The following FBXO21 variants were observed in gnomAD, a reference collection of about 807,000 sequenced individuals.
FBXO21 encodes F-box protein 21.
FBXO21 carries 32 observed loss-of-function variants against 76.6 expected under a neutral mutation model. The observed-to-expected ratio is 0.42, with a 90% CI of 0.32 to 0.56. The LOEUF is 0.56. FBXO21 is among the 20% of genes least tolerant of loss of function. The pLI, the probability that FBXO21 is intolerant of heterozygous loss-of-function variation, is 0.16. For missense variants in FBXO21, 586 were observed against 797.3 expected (o/e 0.73, Z 3.19); for synonymous variants, 328 against 311.5 (o/e 1.05, Z -0.56).
chr12:117,146,024 T>C lies in FBXO21; in HGVS notation c.*63A>G, dbSNP rs1955765177. On this transcript the variant is annotated 3_prime_UTR_variant, in exon 12 of 12. Transcript: ENST00000622495. ...CGAGGGCTCCGTGGAGACGTCTTCTTCCGGAGTCCCGTTCTCTTGGAAGAT... is the reference window on the plus strand; with the variant it reads ...CGAGGGCTCCGTGGAGACGTCTTCTCCCGGAGTCCCGTTCTCTTGGAAGAT... 1 of 1,403,110 alleles carries C rather than the reference T, an allele frequency of 7.1e-7. No individual in the cohort carries two copies. The highest frequency in any genetic ancestry group is 2.4e-5 in the East Asian group (1 of 42,012). 86.9% of individuals were successfully genotyped at this position (1,403,110 alleles called of 1,614,324 possible).
chr12:117,177,483 G>C, intron 4 of FBXO21, 37 bp downstream of exon 4: 1 of 1,582,414 alleles, frequency 6.3e-7, no homozygotes, highest in Non-Finnish European at 8.6e-7. Context: ...GTTACCTACA[G>C]AAATACTACT....
intron 3 of FBXO21, among the ~76,000 whole-genome samples, chr12:117,180,823 C>CG (rs1196234375): frequency 6.6e-6 from 1 of 151,752 alleles, no homozygotes; most frequent in African/African-American, 2.4e-5. Context: ...TTAGTAGAGA[C>CG]GAGGTTTCAC....
In FBXO21 at chr12:117,189,337, T is replaced by C; in HGVS notation, c.265A>G (p.Ser89Gly). ...VRWPSLMKHYSPTDYVNWLEE... is the reference protein window; with the variant it reads ...VRWPSLMKHYGPTDYVNWLEE... ...AACCAATTGACGTAGTCGGTGGGGCTGTAGTGTTTCATAAGGGAAGGCCAC... is the reference window on the plus strand; with the variant it reads ...AACCAATTGACGTAGTCGGTGGGGCCGTAGTGTTTCATAAGGGAAGGCCAC... Residue 89 changes from serine to glycine, a missense_variant, in exon 2 of 12, where the codon AGC (serine) becomes GGC (glycine). By Grantham distance (56) the Ser-to-Gly change is moderately conservative. Transcript: ENST00000622495. The C allele has an allele frequency of 1.2e-6, 2 of 1,614,154 alleles. No homozygotes were observed.
intron 2 of FBXO21, chr12:117,188,934 G>C (rs1956316983): frequency 3.4e-6 from 1 of 296,698 alleles, no homozygotes; most frequent in Non-Finnish European, 6.3e-6. Flanking sequence ...ACCCATTTGA[G>C]AAATAATGCT....
intron 9 of FBXO21, among the ~76,000 whole-genome samples, chr12:117,161,250 G>C (rs1336949445): frequency 6.6e-6 from 1 of 152,134 alleles, no homozygotes; most frequent in African/African-American, 2.4e-5. Context: ...AGGATGAGCA[G>C]AGGCCCTGGG....
chr12:117,156,312 TTTGTTA>T (rs1210284891), intron 10 of FBXO21, among the ~76,000 whole-genome samples: 1 of 152,134 alleles, frequency 6.6e-6, no homozygotes, highest in Non-Finnish European at 1.5e-5. Flanking sequence ...ATAGGGAAGG[TTTGTTA>T]AAACAAGGCA....
rs1217583244 is a variant in FBXO21 at position 117,145,781 on chromosome 12, C to T, written c.*306G>A. The T allele has an allele frequency of 9.2e-6, 2 of 218,354 alleles. No individual in the cohort carries two copies. Among genetic ancestry groups the T allele is most frequent in the African/African-American group, 2.3e-5 (1 of 43,846 alleles). 13.5% of individuals were successfully genotyped at this position (218,354 alleles called of 1,614,324 possible). On this transcript the variant is annotated 3_prime_UTR_variant, in exon 12 of 12. Coordinates refer to ENST00000622495, the MANE Select transcript of FBXO21 (RefSeq NM_015002.3). ...TGAATACAAAGAATGATTACAGGAGCGTCGACTGTGAGACCTCATGAAGAC... is the reference window on the plus strand; with the variant it reads ...TGAATACAAAGAATGATTACAGGAGTGTCGACTGTGAGACCTCATGAAGAC...
At chr12:117,157,145 G>T (rs1955925762) in intron 10 of FBXO21, among the ~76,000 whole-genome samples, 1 of 149,750 alleles carries the variant, frequency 6.7e-6, no homozygotes. Context: ...ATACAACACT[G>T]CACTCCAGCC....
intron 11 of FBXO21, among the ~76,000 whole-genome samples, chr12:117,154,614 A>G (rs7974581): frequency 6.6e-6 from 1 of 151,940 alleles, no homozygotes; most frequent in South Asian, 2.1e-4. Flanking sequence ...ACAGGTGCAC[A>G]TGACTCTGCC....
chr12:117,179,974 G>A (rs1046555120), intron 3 of FBXO21, among the ~76,000 whole-genome samples: 2 of 152,140 alleles, frequency 1.3e-5, no homozygotes, highest in Non-Finnish European at 2.9e-5. Context: ...TAGTATTATG[G>A]ACTCAGAGAG....
intron 7 of FBXO21, 30 bp downstream of exon 7, chr12:117,172,441 G>C: frequency 6.2e-7 from 1 of 1,601,800 alleles, no homozygotes; most frequent in Non-Finnish European, 8.5e-7. Context: ...AAATCTTCAG[G>C]ACCACAGATA....
At chr12:117,173,579 G>A (rs1956139807) in intron 6 of FBXO21, among the ~76,000 whole-genome samples, 1 of 152,224 alleles carries the variant, frequency 6.6e-6, no homozygotes, top group South Asian at 2.1e-4. Flanking sequence ...CTCCCAAATG[G>A]CTAGAGGCCA....
intron 11 of FBXO21, among the ~76,000 whole-genome samples, chr12:117,150,467 T>C (rs1341454203): frequency 2.6e-5 from 4 of 152,228 alleles, no homozygotes; most frequent in Non-Finnish European, 4.4e-5. Flanking sequence ...AGCACACACA[T>C]AGGCAGCTAG....
At chr12:117,152,981 G>A (rs1164385269) in intron 11 of FBXO21, among the ~76,000 whole-genome samples, 6 of 152,196 alleles carry the variant, frequency 3.9e-5, no homozygotes, top group South Asian at 2.1e-4. Flanking sequence ...TATGTCAGGC[G>A]TGGGAACCGT....
chr12:117,178,764 CATTATTTTAA>C (rs1956200935), intron 3 of FBXO21, among the ~76,000 whole-genome samples: 2 of 152,068 alleles, frequency 1.3e-5, no homozygotes, highest in African/African-American at 4.8e-5. Flanking sequence ...AGGCCCCCTA[CATTATTTTAA>C]ATGGTACCCC....
chr12:117,169,635 A>G (rs926996968), intron 7 of FBXO21, among the ~76,000 whole-genome samples: 1 of 152,050 alleles, frequency 6.6e-6, no homozygotes, highest in African/African-American at 2.4e-5. Context: ...TAGCTTTCAT[A>G]ATCCCTAACT....
At position 117,155,781 on chromosome 12, in the gene FBXO21, C is replaced by T. The variant is rs746467390; in HGVS notation, c.1675+10G>A. 1.2e-5 allele frequency: 19 copies of T among 1,609,594 alleles called. No individual in the cohort carries two copies. The South Asian group carries it at 1.3e-4, about 11-fold the overall frequency. The stretch of plus-strand genomic sequence containing the variant: ...CGGGGCCACTGGCACAAGCGGAACC[C>T]GCCGCTTACCTTGGGCTGCGTATCG... On this transcript the variant is annotated intron_variant, in intron 11 of 11. Transcript: ENST00000622495.
At chr12:117,183,480 G>T (rs1170413694) in intron 3 of FBXO21, among the ~76,000 whole-genome samples, 1 of 152,078 alleles carries the variant, frequency 6.6e-6, no homozygotes. Context: ...GGCTGGTGTC[G>T]AACTCCTGAC....
At chr12:117,185,855 A>G (rs184096039) in intron 3 of FBXO21, among the ~76,000 whole-genome samples, 197 of 152,020 alleles carry the variant, frequency 1.3e-3, no homozygotes, top group African/African-American at 4.2e-3. Context: ...TGAAGGAAGG[A>G]TGATTTATAT....
Sources: gnomAD v4.1 joint callset for allele counts (sites outside exome capture counted in the v4.1 genomes callset) on GRCh38, gnomAD v4.1.1 for gene constraint, MANE v1.5 for transcripts, NCBI Gene and HGNC (gene_info 2026-07-23, HGNC 2026-07-21) for gene names.